LAMA2: variants seen among roughly 807,000 people sequenced by gnomAD.
LAMA2 encodes laminin subunit alpha-2.
A neutral mutation model predicts 364.8 loss-of-function variants in LAMA2; 269 were observed. That is an observed-to-expected ratio of 0.74 (90% CI 0.67 to 0.82). LAMA2 has a LOEUF of 0.82. Among genes scored for constraint, LAMA2 ranks in the 40% least tolerant of loss-of-function variants. LAMA2 has a pLI of 0.00. For missense variants in LAMA2, 3,807 were observed against 3,873.2 expected (o/e 0.98, Z 0.45); for synonymous variants, 1,379 against 1,370.6 (o/e 1.01, Z -0.14).
intron 10 of LAMA2, among the ~76,000 whole-genome samples, chr6:129,181,630 A>G (rs1365073501): frequency 1.3e-5 from 2 of 152,008 alleles, no homozygotes; most frequent in East Asian, 1.9e-4. Flanking sequence ...ATAGAAAATC[A>G]GAAATATAGG....
At chr6:129,495,611 C>T (rs1446793859) in intron 58 of LAMA2, among the ~76,000 whole-genome samples, 1 of 152,178 alleles carries the variant, frequency 6.6e-6, no homozygotes, top group Non-Finnish European at 1.5e-5. Context: ...CTAGAACATC[C>T]TCCAGGCAGG....
chr6:129,354,296 G>A (rs1024400413), intron 32 of LAMA2, among the ~76,000 whole-genome samples: 3 of 151,948 alleles, frequency 2.0e-5, no homozygotes, highest in Non-Finnish European at 2.9e-5. Flanking sequence ...GTTAAGACTG[G>A]GTGTTATTTG....
At chr6:129,143,049 T>G (rs1417601451) in intron 4 of LAMA2, among the ~76,000 whole-genome samples, 1 of 152,058 alleles carries the variant, frequency 6.6e-6, no homozygotes, top group African/African-American at 2.4e-5. Flanking sequence ...ACACAGTTTA[T>G]TCTTCATCAG....
chr6:129,295,091 T>A (rs186545274), intron 20 of LAMA2, among the ~76,000 whole-genome samples: 1 of 152,264 alleles, frequency 6.6e-6, no homozygotes, highest in East Asian at 1.9e-4. Flanking sequence ...GCTCAGACTC[T>A]GGAGCCAACC....
intron 28 of LAMA2, among the ~76,000 whole-genome samples, chr6:129,327,831 G>A (rs1054373493): frequency 1.3e-5 from 2 of 152,112 alleles, no homozygotes; most frequent in Non-Finnish European, 2.9e-5. Context: ...AATTATATCA[G>A]TATAAATAAT....
intron 22 of LAMA2, among the ~76,000 whole-genome samples, chr6:129,308,326 T>C (rs1036605923): frequency 5.3e-5 from 8 of 152,194 alleles, no homozygotes; most frequent in Admixed American, 4.6e-4. Flanking sequence ...ACCATATCAC[T>C]TGGACTCAGG....
At chr6:129,389,976 A>G (rs1485878663) in intron 35 of LAMA2, among the ~76,000 whole-genome samples, 1 of 152,230 alleles carries the variant, frequency 6.6e-6, no homozygotes, top group Admixed American at 6.5e-5. Flanking sequence ...ATTGGGAATT[A>G]GGTTTCAACA....
At chr6:128,951,617 C>G (rs1780826207) in intron 1 of LAMA2, among the ~76,000 whole-genome samples, 1 of 152,080 alleles carries the variant, frequency 6.6e-6, no homozygotes. Context: ...GTAATACAAA[C>G]TCCAAGTTAA....
intron 42 of LAMA2, 61 bp from the exon 43 acceptor site, chr6:129,440,755 T>A (rs1782066131): frequency 7.0e-7 from 1 of 1,423,694 alleles, no homozygotes; most frequent in South Asian, 1.2e-5. Context: ...TTGTCAAGCA[T>A]GGATTAAGCC....
intron 12 of LAMA2, among the ~76,000 whole-genome samples, chr6:129,196,041 C>T (rs1781825275): frequency 6.6e-6 from 1 of 152,164 alleles, no homozygotes; most frequent in African/African-American, 2.4e-5. Context: ...GAAATTCTCT[C>T]TCTGAATATT....
chr6:129,251,072 CTCTCTATATATA>C (rs1255515495), intron 13 of LAMA2, among the ~76,000 whole-genome samples: 968 of 64,944 alleles, frequency 0.015, 3 homozygotes, highest in Non-Finnish European at 0.022. Flanking sequence ...CTCTCTCTCT[CTCTCTATATATA>C]TATATATATA....
intron 4 of LAMA2, among the ~76,000 whole-genome samples, chr6:129,142,530 T>C (rs1778188455): frequency 6.6e-6 from 1 of 151,954 alleles, no homozygotes; most frequent in Admixed American, 6.6e-5. Context: ...TGAATTTTAG[T>C]AGGGGGGAGG....
intron 40 of LAMA2, among the ~76,000 whole-genome samples, chr6:129,422,428 C>A (rs751693770): frequency 6.6e-6 from 1 of 152,006 alleles, no homozygotes; most frequent in Non-Finnish European, 1.5e-5. Context: ...GTGCAAGAGC[C>A]AGTGGAAAAT....
intron 1 of LAMA2, among the ~76,000 whole-genome samples, chr6:128,910,246 T>C (rs200466422): frequency 2.2e-5 from 3 of 136,102 alleles, no homozygotes; most frequent in African/African-American, 5.3e-5. Flanking sequence ...CAACTTGGTT[T>C]CATTCTCCCC....
chr6:129,384,312 A>G lies in LAMA2; in HGVS notation c.5071+1079A>G, dbSNP rs143023501. On this transcript the variant is annotated intron_variant, in intron 35 of 64. Transcript: ENST00000421865. ...CCCCCTCCAACCCAAAACAACAACA[A>G]CAACAAATCCCACTGCAGGTAGAGC... Among the ~76,000 whole-genome samples, 1,314 of 152,292 alleles carry G rather than the reference A, an allele frequency of 8.6e-3. 18 individuals are homozygous for G. The highest frequency in any genetic ancestry group is 0.03 in the African/African-American group (1,264 of 41,568).
At chr6:128,909,689 C>G (rs1777757924) in intron 1 of LAMA2, among the ~76,000 whole-genome samples, 1 of 150,238 alleles carries the variant, frequency 6.7e-6, no homozygotes, top group Non-Finnish European at 1.5e-5. Context: ...ATGATGTTAG[C>G]TGGTTATTTT....
chr6:128,896,544 A>AAAT (rs2114401009), intron 1 of LAMA2, among the ~76,000 whole-genome samples: 1 of 152,278 alleles, frequency 6.6e-6, no homozygotes, highest in African/African-American at 2.4e-5. Context: ...AATTCTGCAA[A>AAAT]AATAGCTTTT....
At chr6:129,432,451 T>C (rs370865704) in intron 41 of LAMA2, among the ~76,000 whole-genome samples, 4 of 152,184 alleles carry the variant, frequency 2.6e-5, no homozygotes, top group African/African-American at 9.7e-5. Context: ...CTGTATATCA[T>C]CTCAGCAAGA....
chr6:128,981,757 A>AAAT (rs1165514790), intron 1 of LAMA2, among the ~76,000 whole-genome samples: 70 of 151,990 alleles, frequency 4.6e-4, no homozygotes, highest in Non-Finnish European at 2.1e-4. Flanking sequence ...CTCAAAAAGA[A>AAAT]AATAATAATA....
Sources: gnomAD v4.1 joint callset for allele counts (sites outside exome capture counted in the v4.1 genomes callset) on GRCh38, gnomAD v4.1.1 for gene constraint, MANE v1.5 for transcripts, NCBI Gene and HGNC (gene_info 2026-07-23, HGNC 2026-07-21) for gene names.